The following PLPP1 variants were observed in gnomAD, a reference collection of about 807,000 sequenced individuals.
PLPP1 encodes the protein lipid phosphate phosphohydrolase 1a.
Under a neutral mutation model 31.2 loss-of-function variants are expected in PLPP1, and 24 were observed. The observed-to-expected ratio is 0.77, with a 90% CI of 0.56 to 1.08. PLPP1 has a LOEUF of 1.08. Among genes scored for constraint, PLPP1 ranks in the 50% least tolerant of loss-of-function variants. The pLI, the probability that PLPP1 is intolerant of heterozygous loss-of-function variation, is 0.00. For missense variants in PLPP1, 319 were observed against 342.7 expected (o/e 0.93, Z 0.55); for synonymous variants, 146 against 126.3 (o/e 1.16, Z -1.05).
rs997494099 is a variant in PLPP1, at chr5:55,494,845, G to A, written c.59-19395C>T. On this transcript the variant is annotated intron_variant, in intron 1 of 5. Coordinates refer to ENST00000307259, the MANE Select transcript of PLPP1 (RefSeq NM_003711.4). ...ATCTGAACAAAAATTTATTGGCCAG[G>A]CGCAGTGGCTCACGCCTGCAATCCT... 2.0e-5 allele frequency among the ~76,000 whole-genome samples: 3 copies of A among 152,014 alleles called. No homozygotes were observed. The South Asian group carries it at 6.2e-4, about 32-fold the overall frequency.
At chr5:55,453,184 T>G (rs1445200944) in intron 3 of PLPP1, among the ~76,000 whole-genome samples, 1 of 152,214 alleles carries the variant, frequency 6.6e-6, no homozygotes, top group Non-Finnish European at 1.5e-5. Context: ...TTAAATGGCT[T>G]CACAAGAAGT....
At chr5:55,486,891 C>T (rs540591553) in intron 1 of PLPP1, among the ~76,000 whole-genome samples, 6 of 151,668 alleles carry the variant, frequency 4.0e-5, no homozygotes, top group African/African-American at 1.2e-4. Flanking sequence ...CCAGCTTGGG[C>T]GACAGAGCGA....
At chr5:55,426,608 G>A (rs189122) in intron 4 of PLPP1, among the ~76,000 whole-genome samples, 132,124 of 151,508 alleles carry the variant, frequency 0.87, 57,831 homozygotes, top group South Asian at 0.92. Context: ...GGGTCTCACT[G>A]TGTTGCCCAG....
chr5:55,435,896 C>T (rs2111687846), intron 4 of PLPP1, among the ~76,000 whole-genome samples: 1 of 151,994 alleles, frequency 6.6e-6, no homozygotes, highest in East Asian at 1.9e-4. Flanking sequence ...CGCCTGTAGT[C>T]CCAGCTACTT....
rs911241613 is a variant in PLPP1 at position 55,425,201 on chromosome 5, G to A, written c.*5C>T. 6.2e-6 allele frequency: 10 copies of A among 1,611,830 alleles called. No individual in the cohort carries two copies. The highest frequency in any genetic ancestry group is 1.6e-4 in the Middle Eastern group (1 of 6,074). ...GCCAGCTTCACCTGGGCACCCTGCT[G>A]CCTTTCAAGGCTGGTGATTGCTCGG... On this transcript the variant is annotated 3_prime_UTR_variant, in exon 6 of 6. Coordinates refer to ENST00000307259, the MANE Select transcript of PLPP1 (RefSeq NM_003711.4).
At chr5:55,429,718 C>A (rs561234101) in intron 4 of PLPP1, among the ~76,000 whole-genome samples, 1 of 152,214 alleles carries the variant, frequency 6.6e-6, no homozygotes, top group South Asian at 2.1e-4. Flanking sequence ...TCTGAAGCCC[C>A]ATTAAAGTCC....
At chr5:55,480,049 G>A (rs1186964961) in intron 1 of PLPP1, among the ~76,000 whole-genome samples, 2 of 152,122 alleles carry the variant, frequency 1.3e-5, no homozygotes, top group African/African-American at 4.8e-5. Flanking sequence ...ACAAAAGTGT[G>A]GAGAAATGCA....
At chr5:55,527,652 A>T (rs558460059) in intron 1 of PLPP1, among the ~76,000 whole-genome samples, 1 of 152,360 alleles carries the variant, frequency 6.6e-6, no homozygotes, top group South Asian at 2.1e-4. Context: ...TGAAGGAACC[A>T]TTTCAAAAGG....
At chr5:55,527,407 A>G (rs183885241) in intron 1 of PLPP1, among the ~76,000 whole-genome samples, 2 of 152,308 alleles carry the variant, frequency 1.3e-5, no homozygotes, top group East Asian at 3.9e-4. Flanking sequence ...GATTTGGCAT[A>G]ATGATGATAC....
chr5:55,476,439 C>T (rs537845162), intron 1 of PLPP1, among the ~76,000 whole-genome samples: 120 of 152,220 alleles, frequency 7.9e-4, no homozygotes, highest in African/African-American at 2.7e-3. Context: ...CCTCCTAAAA[C>T]GCCAAATTTT....
intron 1 of PLPP1, among the ~76,000 whole-genome samples, chr5:55,523,763 G>T (rs1753723298): frequency 6.6e-6 from 1 of 152,024 alleles, no homozygotes; most frequent in African/African-American, 2.4e-5. Flanking sequence ...CTCAACACCT[G>T]CTCCTCCCTA....
At chr5:55,448,545 T>C (rs934752806) in intron 3 of PLPP1, among the ~76,000 whole-genome samples, 1 of 150,018 alleles carries the variant, frequency 6.7e-6, no homozygotes, top group African/African-American at 2.5e-5. Context: ...CCTCCTGGGT[T>C]CAAGCGATTC....
At chr5:55,512,723 T>TACACACACACACACACACAC (rs71600885) in intron 1 of PLPP1, among the ~76,000 whole-genome samples, 1 of 43,132 alleles carries the variant, frequency 2.3e-5, no homozygotes, top group Admixed American at 2.0e-4. Flanking sequence ...CATTATAAAC[T>TACACACACACACACACACAC]ACACACACAC....
At chr5:55,453,390 G>A (rs1300612972) in intron 3 of PLPP1, among the ~76,000 whole-genome samples, 2 of 152,122 alleles carry the variant, frequency 1.3e-5, no homozygotes, top group Non-Finnish European at 2.9e-5. Context: ...TCAAAACCGA[G>A]GAGCATTAGG....
intron 3 of PLPP1, among the ~76,000 whole-genome samples, chr5:55,452,929 GCAAACTCC>G (rs750381438): frequency 6.6e-6 from 1 of 152,062 alleles, no homozygotes; most frequent in Non-Finnish European, 1.5e-5. Flanking sequence ...AAAATTACTG[GCAAACTCC>G]CATCCTCCCT....
chr5:55,531,359 A>G (rs1740661902), intron 1 of PLPP1, among the ~76,000 whole-genome samples: 2 of 152,228 alleles, frequency 1.3e-5, no homozygotes, highest in Admixed American at 1.3e-4. Context: ...ATATACACAC[A>G]CATGCACACA....
intron 1 of PLPP1, among the ~76,000 whole-genome samples, chr5:55,491,454 TAATTC>T (rs202234455): frequency 0.056 from 8,480 of 152,286 alleles, 435 homozygotes; most frequent in Admixed American, 0.11. Context: ...ATTCTGTAGT[TAATTC>T]ATTTTTAATT....
chr5:55,471,523 T>C (rs1377369587), intron 2 of PLPP1, among the ~76,000 whole-genome samples: 1 of 152,074 alleles, frequency 6.6e-6, no homozygotes, highest in African/African-American at 2.4e-5. Flanking sequence ...TTTTATCAAC[T>C]CTCACTTACT....
At chr5:55,434,191 GA>G (rs1345111591) in intron 4 of PLPP1, among the ~76,000 whole-genome samples, 3 of 145,854 alleles carry the variant, frequency 2.1e-5, no homozygotes, top group South Asian at 4.4e-4. Flanking sequence ...AGAAGAAGAA[GA>G]AAAAAAGACA....
Sources: allele counts gnomAD v4.1 joint callset (sites outside exome capture counted in the v4.1 genomes callset), GRCh38; gene constraint gnomAD v4.1.1; transcripts MANE v1.5; gene names NCBI Gene and HGNC (gene_info 2026-07-23, HGNC 2026-07-21).